SPACA7: variants seen among roughly 807,000 people sequenced by gnomAD.
SPACA7 encodes sperm acrosome-associated protein 7.
In SPACA7, 19 loss-of-function variants were observed where a neutral mutation model predicts 26.3. That is an observed-to-expected ratio of 0.72 (90% CI 0.50 to 1.06). SPACA7 has a LOEUF of 1.06. Among genes scored for constraint, SPACA7 ranks in the 50% least tolerant of loss-of-function variants. The pLI is 0.00. For synonymous variants in SPACA7, 84 were observed against 84.5 expected, an observed-to-expected ratio of 0.99 and a Z score of 0.04; for missense variants, 211 against 229.9, an observed-to-expected ratio of 0.92 and a Z score of 0.53.
intron 5 of SPACA7, among the ~76,000 whole-genome samples, chr13:112,429,833 GCCTGTTCTTTTAC>G (rs942434332): frequency 5.9e-5 from 9 of 152,118 alleles, no homozygotes; most frequent in Middle Eastern, 3.4e-3. Flanking sequence ...CTATTATTGA[GCCTGTTCTTTTAC>G]CCAGTTAAGT....
chr13:112,379,485 A>C (rs1054909796), intron 1 of SPACA7, among the ~76,000 whole-genome samples: 8 of 152,248 alleles, frequency 5.3e-5, no homozygotes, highest in Non-Finnish European at 1.0e-4. Context: ...TTTCTGTGAC[A>C]TACAACATTA....
chr13:112,411,682 G>A (rs1291063682), intron 5 of SPACA7, among the ~76,000 whole-genome samples: 1 of 152,062 alleles, frequency 6.6e-6, no homozygotes, highest in Non-Finnish European at 1.5e-5. Context: ...ATATGAGTGA[G>A]AGCATGTGAT....
At chr13:112,391,333 T>G (rs1344819161) in intron 1 of SPACA7, among the ~76,000 whole-genome samples, 1 of 152,220 alleles carries the variant, frequency 6.6e-6, no homozygotes, top group African/African-American at 2.4e-5. Flanking sequence ...CAGTGGGCAC[T>G]TCAGGCATTT....
At chr13:112,383,684 T>C (rs1380918367) in intron 1 of SPACA7, among the ~76,000 whole-genome samples, 1 of 152,214 alleles carries the variant, frequency 6.6e-6, no homozygotes, top group Admixed American at 6.5e-5. Context: ...ACATTTTTTA[T>C]TTAGCACAGG....
At chr13:112,402,037 T>G (rs1594281521) in intron 5 of SPACA7, among the ~76,000 whole-genome samples, 1 of 152,328 alleles carries the variant, frequency 6.6e-6, no homozygotes, top group Middle Eastern at 3.4e-3. Flanking sequence ...TTTCCATGTT[T>G]CCCTGATTAT....
At chr13:112,377,199 A>C (rs1385007882) in intron 1 of SPACA7, among the ~76,000 whole-genome samples, 1 of 152,190 alleles carries the variant, frequency 6.6e-6, no homozygotes, top group Non-Finnish European at 1.5e-5. Flanking sequence ...GGCTTTTATA[A>C]ACAAAAATGA....
At chr13:112,419,315 G>A (rs1333240018) in intron 5 of SPACA7, among the ~76,000 whole-genome samples, 1 of 152,080 alleles carries the variant, frequency 6.6e-6, no homozygotes, top group Non-Finnish European at 1.5e-5. Context: ...AAAATCCAGA[G>A]GCCCCAGGCA....
intron 5 of SPACA7, among the ~76,000 whole-genome samples, chr13:112,427,930 T>C (rs988904029): frequency 6.6e-6 from 1 of 152,176 alleles, no homozygotes; most frequent in African/African-American, 2.4e-5. Flanking sequence ...AAAAATCCTA[T>C]CAGTCTGATT....
chr13:112,425,980 T>C (rs1876499037), intron 5 of SPACA7, among the ~76,000 whole-genome samples: 1 of 152,242 alleles, frequency 6.6e-6, no homozygotes, highest in Non-Finnish European at 1.5e-5. Context: ...CATGTCACTG[T>C]GTTCATATGT....
At chr13:112,399,221 G>A (rs1885479279) in intron 4 of SPACA7, 48 bp downstream of exon 4, 2 of 992,340 alleles carry the variant, frequency 2.0e-6, no homozygotes, top group African/African-American at 3.2e-5. Context: ...GCTGTAATGG[G>A]AGAGGTAGGA....
At chr13:112,389,111 T>C (rs1355394000) in intron 1 of SPACA7, among the ~76,000 whole-genome samples, 1 of 152,200 alleles carries the variant, frequency 6.6e-6, no homozygotes, top group Non-Finnish European at 1.5e-5. Flanking sequence ...AAAGGCAGTC[T>C]AGTCCCCAAG....
At chr13:112,381,580 A>C (rs943102659) in intron 1 of SPACA7, among the ~76,000 whole-genome samples, 1 of 152,192 alleles carries the variant, frequency 6.6e-6, no homozygotes, top group African/African-American at 2.4e-5. Context: ...CAATTCTTCA[A>C]GACAGGGGAA....
chr13:112,379,135 C>T (rs765744162), intron 1 of SPACA7, among the ~76,000 whole-genome samples: 9 of 152,208 alleles, frequency 5.9e-5, no homozygotes, highest in Non-Finnish European at 1.2e-4. Flanking sequence ...ATCGTCCCCA[C>T]ATTGAGTCCC....
rs188850181 is a variant in SPACA7, at chr13:112,397,599, T to C, written c.152-450T>C. ...TCAGACACAAAGCTCAAGGCTCTCA[T>C]GGTAAAATCTCCCTAGGAGAACCCA... On this transcript the variant is annotated intron_variant, in intron 2 of 6. Coordinates refer to ENST00000283550, the MANE Select transcript of SPACA7 (RefSeq NM_145248.5). 1.1e-4 allele frequency among the ~76,000 whole-genome samples: 16 copies of C among 152,242 alleles called. No homozygotes were observed. The East Asian group carries it at 2.9e-3, about 28-fold the overall frequency.
intron 5 of SPACA7, among the ~76,000 whole-genome samples, chr13:112,409,464 C>G (rs1886204756): frequency 6.6e-6 from 1 of 152,102 alleles, no homozygotes; most frequent in African/African-American, 2.4e-5. Context: ...GCAATCTACT[C>G]ATCTGACAAA....
At chr13:112,432,825 A>C (rs1877296032) in intron 6 of SPACA7, among the ~76,000 whole-genome samples, 3 of 151,976 alleles carry the variant, frequency 2.0e-5, no homozygotes, top group South Asian at 4.1e-4. Flanking sequence ...GCCACCACCC[A>C]CCTACTCAAG....
At chr13:112,390,976 G>A (rs1223479512) in intron 1 of SPACA7, among the ~76,000 whole-genome samples, 1 of 152,202 alleles carries the variant, frequency 6.6e-6, no homozygotes, top group Non-Finnish European at 1.5e-5. Flanking sequence ...AAGGAATGCT[G>A]GGGGTGCTGC....
At chr13:112,403,033 C>A (rs1885746537) in intron 5 of SPACA7, among the ~76,000 whole-genome samples, 1 of 151,768 alleles carries the variant, frequency 6.6e-6, no homozygotes, top group East Asian at 1.9e-4. Flanking sequence ...AGAAATTTTT[C>A]TTTCCTTTTT....
At chr13:112,398,011 G>A in intron 2 of SPACA7, 38 bp from the exon 3 acceptor site, 3 of 1,479,578 alleles carry the variant, frequency 2.0e-6, no homozygotes, top group Non-Finnish European at 2.8e-6. Context: ...CAGCCCTGCA[G>A]GGCCGACTCT....
Sources: allele counts gnomAD v4.1 joint callset (sites outside exome capture counted in the v4.1 genomes callset), GRCh38; gene constraint gnomAD v4.1.1; transcripts MANE v1.5; gene names NCBI Gene and HGNC (gene_info 2026-07-23, HGNC 2026-07-21).